The following CACNA2D3 variants were observed in gnomAD, a reference collection of about 807,000 sequenced individuals.
CACNA2D3 encodes voltage-dependent calcium channel subunit alpha-2/delta-3.
A neutral mutation model predicts 160.6 loss-of-function variants in CACNA2D3; 60 were observed. The observed-to-expected ratio is 0.37, with a 90% CI of 0.30 to 0.46. The LOEUF is 0.46. CACNA2D3 is among the 20% of genes least tolerant of loss of function. The pLI, the probability that CACNA2D3 is intolerant of heterozygous loss-of-function variation, is 1.00. For synonymous variants in CACNA2D3, 558 were observed against 492.9 expected (o/e 1.13, Z -1.75); for missense variants, 1,205 against 1,365.0 (o/e 0.88, Z 1.85).
intron 11 of CACNA2D3, among the ~76,000 whole-genome samples, chr3:54,705,032 C>T (rs1367775615): frequency 4.6e-5 from 7 of 152,078 alleles, no homozygotes; most frequent in South Asian, 2.1e-4. Flanking sequence ...GTGTAGCTGG[C>T]CCAGCCCCTG....
chr3:54,554,365 G>A (rs1702206382), intron 5 of CACNA2D3, among the ~76,000 whole-genome samples: 1 of 152,216 alleles, frequency 6.6e-6, no homozygotes. Context: ...GCCTGATACA[G>A]TAGGTACTCA....
At chr3:54,373,478 T>TG (rs1210907571) in intron 3 of CACNA2D3, among the ~76,000 whole-genome samples, 2 of 152,230 alleles carry the variant, frequency 1.3e-5, no homozygotes, top group African/African-American at 2.4e-5. Flanking sequence ...TTTCACAAAT[T>TG]GCTGCTTTTT....
At chr3:54,731,115 A>G (rs573938923) in intron 11 of CACNA2D3, among the ~76,000 whole-genome samples, 1 of 152,226 alleles carries the variant, frequency 6.6e-6, no homozygotes, top group Non-Finnish European at 1.5e-5. Context: ...GTGATTGAGT[A>G]TAAATCCATC....
intron 10 of CACNA2D3, among the ~76,000 whole-genome samples, chr3:54,640,506 A>G (rs984639943): frequency 1.3e-5 from 2 of 152,180 alleles, no homozygotes; most frequent in Non-Finnish European, 2.9e-5. Flanking sequence ...TCTGGCAACC[A>G]TATTCAGTCA....
At chr3:54,210,387 A>T (rs1003218457) in intron 2 of CACNA2D3, among the ~76,000 whole-genome samples, 1 of 150,162 alleles carries the variant, frequency 6.7e-6, no homozygotes, top group African/African-American at 2.5e-5. Flanking sequence ...GGGAATTAGC[A>T]AATCTATTTT....
At chr3:54,253,109 T>C (rs1306097768) in intron 2 of CACNA2D3, among the ~76,000 whole-genome samples, 1 of 43,266 alleles carries the variant, frequency 2.3e-5, no homozygotes, top group Non-Finnish European at 4.9e-5. Context: ...AACCAACTCT[T>C]TTTTTTTTTT....
At chr3:54,378,275 G>C (rs1187725787) in intron 3 of CACNA2D3, among the ~76,000 whole-genome samples, 1 of 152,212 alleles carries the variant, frequency 6.6e-6, no homozygotes, top group Non-Finnish European at 1.5e-5. Flanking sequence ...TCAGGCATTA[G>C]TTAGATTCTC....
intron 2 of CACNA2D3, among the ~76,000 whole-genome samples, chr3:54,311,834 C>T (rs1392832532): frequency 2.0e-5 from 3 of 152,126 alleles, no homozygotes; most frequent in African/African-American, 7.2e-5. Context: ...AGAAAATAGC[C>T]ACATTTTCAG....
intron 3 of CACNA2D3, among the ~76,000 whole-genome samples, chr3:54,370,156 A>G (rs1022440013): frequency 6.6e-6 from 1 of 152,130 alleles, no homozygotes; most frequent in Non-Finnish European, 1.5e-5. Flanking sequence ...CTTTTTCTCC[A>G]TTTGGTATTT....
chr3:54,239,192 C>G (rs554733363), intron 2 of CACNA2D3, among the ~76,000 whole-genome samples: 2 of 152,310 alleles, frequency 1.3e-5, no homozygotes, highest in South Asian at 2.1e-4. Context: ...GAAGTATTGC[C>G]AAGGCCTTTC....
chr3:54,166,473 CAG>C (rs1410361630), intron 2 of CACNA2D3, among the ~76,000 whole-genome samples: 1 of 152,206 alleles, frequency 6.6e-6, no homozygotes, highest in Non-Finnish European at 1.5e-5. Flanking sequence ...TAGAAGAATA[CAG>C]AGAGTGTCAT....
intron 1 of CACNA2D3, among the ~76,000 whole-genome samples, chr3:54,123,062 G>A (rs1699507922): frequency 6.6e-6 from 1 of 152,190 alleles, no homozygotes; most frequent in Non-Finnish European, 1.5e-5. Flanking sequence ...CTCACCTCAA[G>A]TGACGGCACC....
chr3:54,565,991 T>C (rs1702403589), intron 6 of CACNA2D3, among the ~76,000 whole-genome samples: 2 of 152,170 alleles, frequency 1.3e-5, no homozygotes, highest in Non-Finnish European at 2.9e-5. Context: ...GGGTGCTCAA[T>C]ATGTGTTTGT....
chr3:54,745,054 G>A (rs1179971507), intron 11 of CACNA2D3, among the ~76,000 whole-genome samples: 1 of 152,234 alleles, frequency 6.6e-6, no homozygotes, highest in African/African-American at 2.4e-5. Flanking sequence ...ACACAGAAAT[G>A]ATTGTCATGA....
intron 35 of CACNA2D3, among the ~76,000 whole-genome samples, chr3:55,049,095 T>A (rs867176996): frequency 6.6e-6 from 1 of 152,012 alleles, no homozygotes; most frequent in African/African-American, 2.4e-5. Context: ...TTTGTGTCCC[T>A]GTTTCCTTCC....
chr3:54,955,428 G>A (rs1454101008), intron 27 of CACNA2D3, among the ~76,000 whole-genome samples: 1 of 151,928 alleles, frequency 6.6e-6, no homozygotes, highest in Non-Finnish European at 1.5e-5. Flanking sequence ...CTAGGGCAGG[G>A]GTTTAAGACA....
At chr3:54,235,928 G>A (rs527656378) in intron 2 of CACNA2D3, among the ~76,000 whole-genome samples, 3 of 152,270 alleles carry the variant, frequency 2.0e-5, no homozygotes, top group East Asian at 1.9e-4. Flanking sequence ...GTGGAGAAAC[G>A]TGACAGCCAC....
At chr3:54,701,593 G>T (rs1002125574) in intron 11 of CACNA2D3, among the ~76,000 whole-genome samples, 19 of 152,130 alleles carry the variant, frequency 1.2e-4, no homozygotes, top group Non-Finnish European at 2.4e-4. Context: ...AGAAATCAGA[G>T]ACAACAACAA....
At chr3:54,817,594 A>T (rs1455700257) in intron 14 of CACNA2D3, among the ~76,000 whole-genome samples, 1 of 152,258 alleles carries the variant, frequency 6.6e-6, no homozygotes, top group African/African-American at 2.4e-5. Context: ...TGGAAGACAC[A>T]GCAATTTCTG....
Sources: gnomAD v4.1 joint callset for allele counts (sites outside exome capture counted in the v4.1 genomes callset) on GRCh38, gnomAD v4.1.1 for gene constraint, MANE v1.5 for transcripts, NCBI Gene and HGNC (gene_info 2026-07-23, HGNC 2026-07-21) for gene names.